The following MAGI2 variants were observed in gnomAD, a reference collection of about 807,000 sequenced individuals.
MAGI2 encodes membrane-associated guanylate kinase, WW and PDZ domain-containing protein 2.
A neutral mutation model predicts 133.3 loss-of-function variants in MAGI2; 35 were observed. The ratio of observed to expected loss-of-function variants is 0.26; its 90% CI spans 0.20 to 0.35. The LOEUF is 0.35. MAGI2 is among the 10% of genes least tolerant of loss of function. The probability of loss-of-function intolerance (pLI) is 1.00; values close to 1 mark genes in which losing one functional copy is unlikely to be tolerated. For missense variants in MAGI2, 1,636 were observed against 1,863.4 expected, an observed-to-expected ratio of 0.88 and a Z score of 2.25; for synonymous variants, 729 against 710.6, an observed-to-expected ratio of 1.03 and a Z score of -0.41.
intron 10 of MAGI2, among the ~76,000 whole-genome samples, chr7:78,216,267 C>A (rs1279448749): frequency 6.6e-6 from 1 of 152,238 alleles, no homozygotes; most frequent in Admixed American, 6.5e-5. Flanking sequence ...ATGTCCCATG[C>A]TGCATCTGAG....
At chr7:78,810,062 T>G (rs1025811140) in intron 2 of MAGI2, among the ~76,000 whole-genome samples, 2 of 152,222 alleles carry the variant, frequency 1.3e-5, no homozygotes, top group Non-Finnish European at 2.9e-5. Flanking sequence ...ATAGAAATGT[T>G]GAAAGATATG....
chr7:78,940,378 T>A (rs878903595), intron 2 of MAGI2: 2 of 152,120 alleles, frequency 1.3e-5, no homozygotes, highest in African/African-American at 4.8e-5. Flanking sequence ...AGGCCAAAAT[T>A]TTTTTGAGAG....
At chr7:78,797,138 T>C (rs1418140318) in intron 2 of MAGI2, among the ~76,000 whole-genome samples, 1 of 152,158 alleles carries the variant, frequency 6.6e-6, no homozygotes, top group Non-Finnish European at 1.5e-5. Flanking sequence ...AGAATTGTAA[T>C]GTTCCCAACA....
chr7:78,833,073 C>T (rs1791331225), intron 2 of MAGI2, among the ~76,000 whole-genome samples: 3 of 152,174 alleles, frequency 2.0e-5, no homozygotes, highest in Admixed American at 2.0e-4. Context: ...GGTTGTCTAG[C>T]TTCACATCAT....
chr7:78,889,089 C>T (rs1796514058), intron 2 of MAGI2, among the ~76,000 whole-genome samples: 1 of 152,122 alleles, frequency 6.6e-6, no homozygotes, highest in African/African-American at 2.4e-5. Flanking sequence ...AATGCACTAG[C>T]CTCAGTAGCC....
chr7:78,080,436 C>A (rs1815827850), intron 20 of MAGI2, among the ~76,000 whole-genome samples: 3 of 152,204 alleles, frequency 2.0e-5, no homozygotes, highest in Non-Finnish European at 4.4e-5. Flanking sequence ...TTAATTGTCT[C>A]CTTTCCTCTG....
At chr7:79,276,370 C>T (rs1835228153) in intron 1 of MAGI2, among the ~76,000 whole-genome samples, 1 of 152,114 alleles carries the variant, frequency 6.6e-6, no homozygotes, top group Non-Finnish European at 1.5e-5. Flanking sequence ...GAAGTCACTC[C>T]ACCCTTTAGC....
intron 6 of MAGI2, among the ~76,000 whole-genome samples, chr7:78,419,720 A>G (rs1798629432): frequency 1.3e-5 from 2 of 152,004 alleles, no homozygotes; most frequent in Non-Finnish European, 1.5e-5. Context: ...GGGATCAGTG[A>G]AAGGTAGCAC....
At chr7:78,649,919 T>C (rs1387473322) in intron 2 of MAGI2, among the ~76,000 whole-genome samples, 1 of 152,178 alleles carries the variant, frequency 6.6e-6, no homozygotes. Context: ...CAAGGCTTCT[T>C]GCATTCTGAT....
At chr7:78,983,996 G>A (rs888455550) in intron 2 of MAGI2, among the ~76,000 whole-genome samples, 3 of 151,794 alleles carry the variant, frequency 2.0e-5, no homozygotes, top group African/African-American at 7.3e-5. Flanking sequence ...ATGTCCTAGA[G>A]GCAACTCAAA....
intron 2 of MAGI2, chr7:78,947,069 C>T (rs1007059048): frequency 6.6e-6 from 1 of 152,070 alleles, no homozygotes; most frequent in Non-Finnish European, 1.5e-5. Context: ...ATGTTTATTA[C>T]TTATGAATGA....
intron 1 of MAGI2, among the ~76,000 whole-genome samples, chr7:79,384,480 T>C (rs1329799760): frequency 6.6e-6 from 1 of 151,612 alleles, no homozygotes; most frequent in Non-Finnish European, 1.5e-5. Context: ...GATCATTTGC[T>C]ATATAACTTT....
intron 2 of MAGI2, among the ~76,000 whole-genome samples, chr7:78,954,180 G>T (rs1802102612): frequency 6.6e-6 from 1 of 152,034 alleles, no homozygotes; most frequent in Admixed American, 6.6e-5. Context: ...CTTTCCTCAA[G>T]CTTACAGACA....
At chr7:79,355,248 C>G (rs1053110054) in intron 1 of MAGI2, among the ~76,000 whole-genome samples, 1 of 152,114 alleles carries the variant, frequency 6.6e-6, no homozygotes, top group Non-Finnish European at 1.5e-5. Context: ...CATATTCTTC[C>G]CCTGGGGAGC....
chr7:78,394,385 A>G lies in MAGI2; in HGVS notation c.1046-25172T>C, dbSNP rs1169041044. On this transcript the variant is annotated intron_variant, in intron 6 of 21. Coordinates refer to ENST00000354212, the MANE Select transcript of MAGI2 (RefSeq NM_012301.4). ...GATAAAGCCTAAACTCCTTAGAATG[A>G]CATTCAGAGTCTGCCATGACCTGCC... is the stretch of plus-strand genomic sequence containing the variant. Among the ~76,000 whole-genome samples the G allele has an allele frequency of 3.9e-5, 6 of 152,176 alleles. No individual in the cohort carries two copies. The East Asian group carries it at 1.2e-3, about 29-fold the overall frequency.
intron 1 of MAGI2, among the ~76,000 whole-genome samples, chr7:79,427,780 T>G (rs1413975834): frequency 6.6e-6 from 1 of 152,202 alleles, no homozygotes; most frequent in Non-Finnish European, 1.5e-5. Context: ...TGTATCATGC[T>G]GAGTGCCATT....
chr7:78,480,192 A>G (rs923093361), intron 6 of MAGI2, among the ~76,000 whole-genome samples: 4 of 151,936 alleles, frequency 2.6e-5, no homozygotes, highest in Non-Finnish European at 5.9e-5. Context: ...TGAACTTGTA[A>G]TTAAAATCCT....
intron 1 of MAGI2, among the ~76,000 whole-genome samples, chr7:79,226,625 T>A (rs1585252883): frequency 1.3e-5 from 2 of 152,256 alleles, no homozygotes; most frequent in South Asian, 4.1e-4. Flanking sequence ...CTCTTTCCTA[T>A]CCTCCTTTAT....
intron 2 of MAGI2, among the ~76,000 whole-genome samples, chr7:78,773,042 C>T (rs1223454819): frequency 1.3e-5 from 2 of 152,074 alleles, no homozygotes; most frequent in Non-Finnish European, 2.9e-5. Flanking sequence ...AGTCACTTTC[C>T]TTGAATGTGC....
Sources: gnomAD v4.1 joint callset for allele counts (sites outside exome capture counted in the v4.1 genomes callset) on GRCh38, gnomAD v4.1.1 for gene constraint, MANE v1.5 for transcripts, NCBI Gene and HGNC (gene_info 2026-07-23, HGNC 2026-07-21) for gene names.